The following TMC3 variants were observed in gnomAD, a reference collection of about 807,000 sequenced individuals.
TMC3 encodes transmembrane channel like 3.
In TMC3, 98 loss-of-function variants were observed where a neutral mutation model predicts 110.6. The ratio of observed to expected loss-of-function variants is 0.89; its 90% confidence interval spans 0.75 to 1.05. TMC3 has a LOEUF of 1.05. Among genes scored for constraint, TMC3 ranks in the 50% least tolerant of loss-of-function variants. The pLI is 0.00. For missense variants in TMC3, 1,319 were observed against 1,373.2 expected (o/e 0.96, Z 0.62); for synonymous variants, 489 against 513.1 (o/e 0.95, Z 0.63).
rs777144354 is a variant in TMC3 at position 81,358,424 on chromosome 15, A to G, written c.578T>C (p.Leu193Pro). Residue 193 changes from leucine (L) to proline (P), a missense_variant, in exon 6 of 22, where the codon CTG becomes CCG. Physicochemically the swap from Leu to Pro is moderately conservative, Grantham distance 98. Transcript: ENST00000359440. The stretch of plus-strand genomic sequence containing the variant: ...CACCCCCAGAGACCAGACGGTGTCC[A>G]GGTCTTGGGCAGACGAAACCTGCTC... ...PKEQVSSAQD[L>P]DTVWSLGGYL... 2.6e-5 allele frequency: 42 copies of G among 1,613,846 alleles called. No individual in the cohort carries two copies. Among genetic ancestry groups the G allele is most frequent in the Non-Finnish European group, 2.3e-5 (27 of 1,179,766 alleles).
chr15:81,372,873 G>A (rs1020030709), intron 1 of TMC3, 136 bp from the exon 2 acceptor site: 17 of 560,120 alleles, frequency 3.0e-5, no homozygotes, highest in South Asian at 3.0e-4. Context: ...GTTTGTGCGT[G>A]TGTGTGTGTG....
At chr15:81,346,331 GT>G in intron 12 of TMC3, 33 bp downstream of exon 12, 1 of 1,593,948 alleles carries the variant, frequency 6.3e-7, no homozygotes, top group Non-Finnish European at 8.6e-7. Flanking sequence ...GAGGGCAGAG[GT>G]GGGGCAGGCA....
chr15:81,348,929 C>T (rs1015088459), intron 11 of TMC3, among the ~76,000 whole-genome samples: 1 of 152,252 alleles, frequency 6.6e-6, no homozygotes, highest in Admixed American at 6.5e-5. Flanking sequence ...TCTCCTGACT[C>T]AGCCTCCCGA....
rs988061350 is a variant in TMC3, at chr15:81,342,092, G to A, written c.1716-574C>T. Among the ~76,000 whole-genome samples, 23 of 152,144 alleles carry A rather than the reference G, an allele frequency of 1.5e-4. 1 individual carries two copies. Among genetic ancestry groups the A allele is most frequent in the Non-Finnish European group, 2.1e-4 (14 of 68,032 alleles). On this transcript the variant is annotated intron_variant, in intron 15 of 21. Transcript: ENST00000359440. ...TATCATCCAAACCTGGGAGATTTGG[G>A]GAATGAAAGAACTGAGCCCACAGAC...
At chr15:81,349,361 AAAG>A (rs1266019466) in intron 11 of TMC3, 94 bp downstream of exon 11, 2 of 672,558 alleles carry the variant, frequency 3.0e-6, no homozygotes, top group Non-Finnish European at 2.2e-6. Context: ...GTCTGAGAGA[AAAG>A]AAGCAAGCCC....
In TMC3 at chr15:81,336,942, A is replaced by G. The variant is rs548590852; in HGVS notation, c.2161-291T>C. Among the ~76,000 whole-genome samples, 16 of 152,342 alleles carry G rather than the reference A, an allele frequency of 1.1e-4. No homozygotes were observed. In the South Asian group the frequency reaches 3.3e-3, roughly 32 times the overall value. On this transcript the variant is annotated intron_variant, in intron 19 of 21. Coordinates refer to ENST00000359440, the MANE Select transcript of TMC3 (RefSeq NM_001080532.3). ...CCATAATAGTTTGCCTGAATCACAA[A>G]GAAAAAAATACAGATCGACAACACT...
intron 7 of TMC3, among the ~76,000 whole-genome samples, chr15:81,357,268 A>AT (rs1894085453): frequency 6.6e-6 from 1 of 152,054 alleles, no homozygotes; most frequent in African/African-American, 2.4e-5. Context: ...CCCCTAGGTC[A>AT]TTATGCACCT....
Position 81,341,403 on chromosome 15 carries a change from A to T in TMC3, c.1831T>A (p.Phe611Ile), listed in dbSNP as rs1440512149. Residue 611 changes from phenylalanine to isoleucine, a missense_variant, in exon 16 of 22, where the codon TTT becomes ATT. Transcript: ENST00000359440. ...ATTCTTACTCACCTTGAGGCTCGAA[A>T]TACTTGCTGGTGGGGCACATTGCAG... is the stretch of plus-strand genomic sequence containing the variant. ...LTCNVPHQQV[F>I]RASRSNNFYL... The T allele has an allele frequency of 2.5e-6, 4 of 1,611,320 alleles. No individual in the cohort carries two copies. The South Asian group carries it at 4.4e-5, about 18-fold the overall frequency.
In TMC3 at chr15:81,365,260, A is replaced by T. The variant is rs576897692; in HGVS notation, c.313-2959T>A. Reference sequence around the variant, plus strand: ...GGGTGGGAGAGGAGGGGAAAATGAGACAGTTTAATTAAATGCAGTTGACTC... The same window carrying T: ...GGGTGGGAGAGGAGGGGAAAATGAGTCAGTTTAATTAAATGCAGTTGACTC... On this transcript the variant is annotated intron_variant, in intron 3 of 21. Coordinates refer to ENST00000359440, the MANE Select transcript of TMC3 (RefSeq NM_001080532.3). Among the ~76,000 whole-genome samples, 740 of 152,298 alleles carry T rather than the reference A, an allele frequency of 4.9e-3. 1 individual carries two copies. The highest frequency in any genetic ancestry group is 0.01 in the Middle Eastern group (3 of 294).
chr15:81,372,870 C>CGTGTGCGTGT (rs1894468198), intron 1 of TMC3, 133 bp from the exon 2 acceptor site: 7 of 555,616 alleles, frequency 1.3e-5, no homozygotes, highest in Middle Eastern at 4.8e-4. Context: ...TGTGTTTGTG[C>CGTGTGCGTGT]GTGTGTGTGT....
intron 9 of TMC3, among the ~76,000 whole-genome samples, chr15:81,352,489 A>G (rs1412722684): frequency 6.6e-6 from 1 of 152,242 alleles, no homozygotes; most frequent in African/African-American, 2.4e-5. Context: ...AAAGTATAGT[A>G]CATACAATTA....
At chr15:81,355,944 TGGC>T (rs781070542) in intron 8 of TMC3, among the ~76,000 whole-genome samples, 176 bp from the exon 9 acceptor site, 1 of 144,166 alleles carries the variant, frequency 6.9e-6, no homozygotes, top group Non-Finnish European at 1.5e-5. Flanking sequence ...GAAAAAATAT[TGGC>T]GGTTGGGAAG....
chr15:81,345,354 G>A (rs939995591), intron 12 of TMC3, among the ~76,000 whole-genome samples: 4 of 152,218 alleles, frequency 2.6e-5, no homozygotes, highest in Non-Finnish European at 5.9e-5. Flanking sequence ...GAAACCTAAT[G>A]CTCAAGGTCA....
chr15:81,332,973 T>C lies in TMC3; in HGVS notation c.2749A>G (p.Ile917Val). 6.2e-7 allele frequency: 1 copy of C among 1,612,954 alleles called. No individual in the cohort carries two copies. Among genetic ancestry groups the C allele is most frequent in the Non-Finnish European group, 8.5e-7 (1 of 1,179,350 alleles). ...ACGTTCCTGGGGTACAGCTCCACAATGTCACCTGAAGCATCTATCTTGAAA... is the reference window on the plus strand; with the variant it reads ...ACGTTCCTGGGGTACAGCTCCACAACGTCACCTGAAGCATCTATCTTGAAA... The part of the protein sequence containing the change: ...RHFKIDASGD[I>V]VELYPRNVRQ... The change falls in exon 22 of 22, where the codon ATT becomes GTT. Residue 917 changes from isoleucine to valine, a missense_variant. Physicochemically the swap from Ile to Val is conservative, Grantham distance 29 (BLOSUM62 3). Transcript: ENST00000359440.
chr15:81,337,776 C>T lies in TMC3; in HGVS notation c.2160+70G>A, dbSNP rs1049660425. 11 of 1,352,508 alleles carry T rather than the reference C, an allele frequency of 8.1e-6. No homozygotes were observed. The Admixed American group carries it at 1.9e-4, about 24-fold the overall frequency. 83.8% of individuals were successfully genotyped at this position (1,352,508 alleles called of 1,614,324 possible). Reference sequence around the variant, plus strand: ...TTGAAGATGTGACTTCACTTGTATTCCCACGCTGGCGGGATCTCAGTCATG... The same window carrying T: ...TTGAAGATGTGACTTCACTTGTATTTCCACGCTGGCGGGATCTCAGTCATG... On this transcript the variant is annotated intron_variant, in intron 19 of 21. Coordinates refer to ENST00000359440, the MANE Select transcript of TMC3 (RefSeq NM_001080532.3).
intron 12 of TMC3, among the ~76,000 whole-genome samples, 181 bp downstream of exon 12, chr15:81,346,184 G>A (rs1195980283): frequency 2.0e-5 from 3 of 152,122 alleles, no homozygotes; most frequent in African/African-American, 7.2e-5. Flanking sequence ...TCTTTATCTG[G>A]GAAACAGGGA....
In TMC3 at chr15:81,332,867, T is replaced by A; in HGVS notation, c.2855A>T (p.Asp952Val). ...TGGGGGAAGAGACCGTTTGATCCAA[T>A]CTCTGCTTGGCGTCTCCTCCTCTTC... ...SEEEEETPSR[D>V]WIKRSLPPRS... Residue 952 changes from aspartate to valine, a missense_variant, in exon 22 of 22, where the codon GAT becomes GTT. Transcript: ENST00000359440. 6.2e-7 allele frequency: 1 copy of A among 1,613,336 alleles called. No homozygotes were observed. The highest frequency in any genetic ancestry group is 8.5e-7 in the Non-Finnish European group (1 of 1,179,874).
chr15:81,344,502 G>A (rs774525116), intron 13 of TMC3, among the ~76,000 whole-genome samples: 1 of 152,124 alleles, frequency 6.6e-6, no homozygotes, highest in Non-Finnish European at 1.5e-5. Flanking sequence ...CTGTGCCTCA[G>A]TTTCCTCATC....
At chr15:81,356,698 TG>T in intron 7 of TMC3, 104 bp from the exon 8 acceptor site, 1 of 1,290,876 alleles carries the variant, frequency 7.7e-7, no homozygotes, top group Non-Finnish European at 1.0e-6. Context: ...TGCACCCCTC[TG>T]GGTGGACGCA....
Sources: gnomAD v4.1 joint callset for allele counts (sites outside exome capture counted in the v4.1 genomes callset) on GRCh38, gnomAD v4.1.1 for gene constraint, MANE v1.5 for transcripts, NCBI Gene and HGNC (gene_info 2026-07-23, HGNC 2026-07-21) for gene names.